The following BAZ2A variants were observed in gnomAD, a reference collection of about 807,000 sequenced individuals.
BAZ2A encodes the protein bromodomain adjacent to zinc finger domain protein 2A.
In BAZ2A, 34 loss-of-function variants were observed where a neutral mutation model predicts 199.9. That is an observed-to-expected ratio of 0.17 (90% CI 0.13 to 0.23). BAZ2A has a LOEUF of 0.23. Among genes scored for constraint, BAZ2A ranks in the 10% least tolerant of loss-of-function variants. The probability of loss-of-function intolerance (pLI) is 1.00; values close to 1 mark genes in which losing one functional copy is unlikely to be tolerated. For missense variants in BAZ2A, 2,002 were observed against 2,391.1 expected, an observed-to-expected ratio of 0.84 and a Z score of 3.39; for synonymous variants, 857 against 883.9, an observed-to-expected ratio of 0.97 and a Z score of 0.54.
chr12:56,623,122 C>CGGGAGG (rs1950974416), intron 1 of BAZ2A, among the ~76,000 whole-genome samples: 1 of 151,770 alleles, frequency 6.6e-6, no homozygotes, highest in Admixed American at 6.6e-5. Context: ...TGTAGTCCTA[C>CGGGAGG]CTACTCGGGA....
At position 56,636,242 on chromosome 12, in the gene BAZ2A, T is replaced by C. The variant is rs2255074; in HGVS notation, c.-57A>G. 556,514 of 1,569,970 alleles carry C rather than the reference T, an allele frequency of 0.35. 102,969 individuals carry two copies. Among genetic ancestry groups the C allele is most frequent in the African/African-American group, 0.63 (46,294 of 73,726 alleles). ...CCCAGCTCCTCACTGTCCTTGGGCC[T>C]CCACTTCACGTAAAGGTTGGTGTTG... On this transcript the variant is annotated 5_prime_UTR_variant, in exon 1 of 30. Transcript: ENST00000379441.
At chr12:56,599,630 C>T in intron 26 of BAZ2A, 72 bp downstream of exon 26, 2 of 1,602,374 alleles carry the variant, frequency 1.2e-6, no homozygotes, top group Non-Finnish European at 1.7e-6. Flanking sequence ...GGACTCTTTC[C>T]AAGGAGAGGA....
rs1333061547 is a variant in BAZ2A at position 56,630,284 on chromosome 12, C to T, written c.-162G>A. 3 of 984,976 alleles carry T rather than the reference C, an allele frequency of 3.0e-6. No homozygotes were observed. Among genetic ancestry groups the T allele is most frequent in the Non-Finnish European group, 3.6e-6 (3 of 829,484 alleles). The allele number at this position is 984,976 out of a possible 1,614,324, so 61.0% of individuals were successfully genotyped here. On this transcript the variant is annotated 5_prime_UTR_variant, in exon 1 of 29. Transcript: ENST00000549884. ...AAGGGGGAGGGGGACGCGGCTCAAC[C>T]GCGGGGCCCGAGAGGAGCCAACATG...
intron 1 of BAZ2A, among the ~76,000 whole-genome samples, chr12:56,628,849 G>T (rs912493642): frequency 6.6e-6 from 1 of 152,134 alleles, no homozygotes; most frequent in Non-Finnish European, 1.5e-5. Context: ...TATGCTGAGG[G>T]AATTTGCATC....
Position 56,604,281 on chromosome 12 carries a change from T to C in BAZ2A, c.2974A>G (p.Lys992Glu), listed in dbSNP as rs1216987828. The change falls in exon 16 of 29, where the codon AAG (lysine) becomes GAG (glutamate). Residue 992 changes from lysine to glutamate, a missense_variant. Coordinates refer to ENST00000549884, the MANE Select transcript of BAZ2A (RefSeq NM_001300905.2). ...TAGCTGGACATACTCTCCAGAGTCT[T>C]GTCAATCTCACTGCAGGGGAATAGG... ...GSTLIINEID[K>E]TLESMSSYRK... The C allele has an allele frequency of 3.1e-6, 5 of 1,608,030 alleles. No individual in the cohort carries two copies. The highest frequency in any genetic ancestry group is 4.2e-6 in the Non-Finnish European group (5 of 1,176,978).
chr12:56,629,382 G>A (rs1350096114), intron 1 of BAZ2A, among the ~76,000 whole-genome samples: 2 of 152,168 alleles, frequency 1.3e-5, no homozygotes, highest in Non-Finnish European at 2.9e-5. Context: ...TCATCTTTCT[G>A]CCACGGAAGC....
At position 56,609,457 on chromosome 12, in the gene BAZ2A, AAAGAAAGGGC is replaced by A. The variant is rs1300420305; in HGVS notation, c.2092+269_2092+278del. Reference sequence around the variant, plus strand: ...TATATGATAAGGAGCTAAAAGATGGAAAGAAAGGGCAAGAAAGTCCTCTCCTCTGGGCTAA... The same window carrying A: ...TATATGATAAGGAGCTAAAAGATGGAAAGAAAGTCCTCTCCTCTGGGCTAA... On this transcript the variant is annotated intron_variant, in intron 10 of 28. Coordinates refer to ENST00000549884, the MANE Select transcript of BAZ2A (RefSeq NM_001300905.2). Among the ~76,000 whole-genome samples, 3 of 152,224 alleles carry A rather than the reference AAAGAAAGGGC, an allele frequency of 2.0e-5. No homozygotes were observed. In the East Asian group the frequency reaches 5.8e-4, roughly 29 times the overall value.
At chr12:56,621,821 TAGGACTAC>T (rs1296387978) in intron 1 of BAZ2A, among the ~76,000 whole-genome samples, 1 of 151,894 alleles carries the variant, frequency 6.6e-6, no homozygotes, top group Non-Finnish European at 1.5e-5. Context: ...CCCAAGTAGC[TAGGACTAC>T]AGGTGCTCAC....
intron 1 of BAZ2A, among the ~76,000 whole-genome samples, chr12:56,618,355 A>G (rs1950791541): frequency 6.6e-6 from 1 of 152,178 alleles, no homozygotes; most frequent in African/African-American, 2.4e-5. Context: ...TGTAAAGTGC[A>G]ATGGCTCATT....
chr12:56,600,211 T>C lies in BAZ2A; in HGVS notation c.4882A>G (p.Thr1628Ala). ...GTGGGAGTCACTCACATCTCTGTAGTGGTGCCCTCAGGGGCACCATTAGGT... is the reference window on the plus strand; with the variant it reads ...GTGGGAGTCACTCACATCTCTGTAGCGGTGCCCTCAGGGGCACCATTAGGT... ...STPNGAPEGTTTEISYEITPR... is the reference protein window; with the variant it reads ...STPNGAPEGTATEISYEITPR... The change falls in exon 24 of 29, where the codon ACT becomes GCT. Residue 1628 changes from threonine to alanine, a missense_variant. Physicochemically the swap from Thr to Ala is moderately conservative, Grantham distance 58 (BLOSUM62 0). Coordinates refer to ENST00000549884, the MANE Select transcript of BAZ2A (RefSeq NM_001300905.2). 1 of 1,613,976 alleles carries C rather than the reference T, an allele frequency of 6.2e-7. No individual in the cohort carries two copies. The highest frequency in any genetic ancestry group is 8.5e-7 in the Non-Finnish European group (1 of 1,179,846).
upstream of BAZ2A, chr12:56,630,677 C>T (rs1209636808): frequency 1.3e-6 from 1 of 795,542 alleles, no homozygotes; most frequent in African/African-American, 1.9e-5. Context: ...CAGTTATTTC[C>T]CAGGTAGGGT....
At chr12:56,628,156 G>A (rs1456186318) in intron 1 of BAZ2A, among the ~76,000 whole-genome samples, 1 of 50,876 alleles carries the variant, frequency 2.0e-5, no homozygotes, top group Non-Finnish European at 3.4e-5. Flanking sequence ...CAGCCTGGGC[G>A]ACAAAAGCAA....
In BAZ2A at chr12:56,610,180, T is replaced by C. The variant is rs2230580; in HGVS notation, c.1815A>G (p.Arg605=). 1 of 1,613,900 alleles carries C rather than the reference T, an allele frequency of 6.2e-7. No individual in the cohort carries two copies. Among genetic ancestry groups the C allele is most frequent in the Non-Finnish European group, 8.5e-7 (1 of 1,179,872 alleles). Residue 605 remains arginine (R), a synonymous_variant, in exon 9 of 29, where the codon CGA becomes CGG. Transcript: ENST00000549884. Reference sequence around the variant, plus strand: ...TACGGGGACTGAAGCTGAAGTGCTCTCGGCGGACACTGTGTACCACGTTGC... The same window carrying C: ...TACGGGGACTGAAGCTGAAGTGCTCCCGGCGGACACTGTGTACCACGTTGC... ...LSRNVVHSVR[R]EHFSFSPRMP...
At position 56,605,244 on chromosome 12, in the gene BAZ2A, C is replaced by G; in HGVS notation, c.2577G>C (p.Leu859=). Residue 859 remains leucine, a synonymous_variant, in exon 14 of 29, where the codon CTG becomes CTC. Transcript: ENST00000549884. ...AGCCCAGCACCTTGCCAAAGCTATG[C>G]AGGAACTCCACAATGGTCAAGCAGT... ...FSDCLTIVEF[L]HSFGKVLGFD... 6.2e-7 allele frequency: 1 copy of G among 1,613,796 alleles called. No homozygotes were observed. Among genetic ancestry groups the G allele is most frequent in the South Asian group, 1.1e-5 (1 of 91,060 alleles).
rs752541395 is a variant in BAZ2A, at chr12:56,601,742, G to A, written c.3875C>T (p.Pro1292Leu). 1.3e-5 allele frequency: 21 copies of A among 1,613,858 alleles called. No homozygotes were observed. Among genetic ancestry groups the A allele is most frequent in the Admixed American group, 1.7e-5 (1 of 60,000 alleles). ...SSSVLTPDSS[P>L]GKLDPAPSQP... ...TGATGGAGCTGGGTCTAGTTTTCCC[G>A]GACTGCTATCAGGTGTGAGGACTGA... The change falls in exon 20 of 29, where the codon CCG becomes CTG. Residue 1292 changes from proline to leucine, a missense_variant. This residue lies in a region of BAZ2A where 1,081 missense variants were observed against 1,274.7 expected (regional missense o/e 0.85). Transcript: ENST00000549884.
At chr12:56,630,076 A>G (rs1951255153) in intron 1 of BAZ2A, 49 bp downstream of exon 1, 1 of 944,318 alleles carries the variant, frequency 1.1e-6, no homozygotes, top group Admixed American at 6.2e-5. Flanking sequence ...GCCTCGGATG[A>G]AAGCGGGGCT....
At chr12:56,625,785 A>T (rs904147299) in intron 1 of BAZ2A, among the ~76,000 whole-genome samples, 1 of 147,512 alleles carries the variant, frequency 6.8e-6, no homozygotes, top group Non-Finnish European at 1.5e-5. Flanking sequence ...CTGAGGCAGG[A>T]GAATGGCGTG....
At chr12:56,605,710 G>T in intron 13 of BAZ2A, 120 bp downstream of exon 13, 1 of 1,137,952 alleles carries the variant, frequency 8.8e-7, no homozygotes, top group Non-Finnish European at 1.2e-6. Context: ...TGTGAGCCAT[G>T]GCACCCGGCC....
At chr12:56,625,328 A>G (rs988509956) in intron 1 of BAZ2A, among the ~76,000 whole-genome samples, 1 of 151,356 alleles carries the variant, frequency 6.6e-6, no homozygotes, top group Non-Finnish European at 1.5e-5. Flanking sequence ...GCTAATTTTC[A>G]TATTTTTAGT....
Sources: allele counts gnomAD v4.1 joint callset (sites outside exome capture counted in the v4.1 genomes callset), GRCh38; gene constraint gnomAD v4.1.1; regional missense constraint gnomAD v4.1.1; transcripts MANE v1.5; gene names NCBI Gene and HGNC (gene_info 2026-07-23, HGNC 2026-07-21).